KCNH5: variants seen among roughly 807,000 people sequenced by gnomAD.
The protein encoded by KCNH5 is potassium voltage-gated channel subfamily H member 5.
In KCNH5, 46 loss-of-function variants were observed where a neutral mutation model predicts 96.1. The ratio of observed to expected loss-of-function variants is 0.48; its 90% CI spans 0.38 to 0.61. The LOEUF (loss-of-function observed/expected upper bound fraction) is 0.61, where lower values mean the gene tolerates loss of function less well. KCNH5 is among the 20% of genes least tolerant of loss of function. The pLI, the probability that KCNH5 is intolerant of heterozygous loss-of-function variation, is 0.00. For synonymous variants in KCNH5, 439 were observed against 449.8 expected, an observed-to-expected ratio of 0.98 and a Z score of 0.30; for missense variants, 907 against 1,225.8, an observed-to-expected ratio of 0.74 and a Z score of 3.88.
intron 7 of KCNH5, among the ~76,000 whole-genome samples, chr14:62,944,564 G>A (rs969880001): frequency 6.6e-6 from 1 of 152,068 alleles, no homozygotes; most frequent in Non-Finnish European, 1.5e-5. Context: ...TAAGAATGCA[G>A]GTGGTTTGTT....
At chr14:62,967,204 T>TA (rs1566725014) in intron 6 of KCNH5, among the ~76,000 whole-genome samples, 1 of 152,148 alleles carries the variant, frequency 6.6e-6, no homozygotes, top group South Asian at 2.1e-4. Flanking sequence ...TATAGTTTAT[T>TA]AAAAGTTCCT....
At chr14:62,844,503 A>G (rs941994093) in intron 8 of KCNH5, among the ~76,000 whole-genome samples, 56 of 152,138 alleles carry the variant, frequency 3.7e-4, no homozygotes, top group African/African-American at 1.3e-3. Flanking sequence ...TTTTCCCATA[A>G]TCTCCTCTTC....
intron 10 of KCNH5, among the ~76,000 whole-genome samples, chr14:62,775,271 T>A (rs1886071957): frequency 6.6e-6 from 1 of 152,188 alleles, no homozygotes; most frequent in African/African-American, 2.4e-5. Flanking sequence ...CAGGTAAAAA[T>A]CTCAGGTTTC....
chr14:62,909,928 T>C (rs1211296506), intron 7 of KCNH5, among the ~76,000 whole-genome samples: 2 of 152,144 alleles, frequency 1.3e-5, no homozygotes, highest in Non-Finnish European at 2.9e-5. Flanking sequence ...ATTTATTATA[T>C]GTATTGGTTT....
At chr14:62,893,875 C>A (rs900007375) in intron 7 of KCNH5, among the ~76,000 whole-genome samples, 1 of 152,184 alleles carries the variant, frequency 6.6e-6, no homozygotes, top group Non-Finnish European at 1.5e-5. Flanking sequence ...ATAGAGAAAT[C>A]TTTTGTGAAG....
intron 8 of KCNH5, among the ~76,000 whole-genome samples, chr14:62,827,801 T>A (rs533886411): frequency 4.6e-5 from 7 of 152,318 alleles, no homozygotes; most frequent in African/African-American, 1.7e-4. Flanking sequence ...GGGTTTTTGT[T>A]TGTTTGTTTC....
intron 9 of KCNH5, among the ~76,000 whole-genome samples, chr14:62,799,722 T>TACACACAC (rs1377411964): frequency 9.1e-6 from 1 of 109,794 alleles, no homozygotes; most frequent in African/African-American, 3.5e-5. Flanking sequence ...TATATATATA[T>TACACACAC]ATATACACAC....
chr14:62,899,606 C>A (rs1032050583), intron 7 of KCNH5, among the ~76,000 whole-genome samples: 19 of 151,788 alleles, frequency 1.3e-4, no homozygotes, highest in African/African-American at 4.6e-4. Flanking sequence ...CCGAGGCGGG[C>A]GGATCACGAG....
intron 1 of KCNH5, among the ~76,000 whole-genome samples, chr14:63,035,438 T>C (rs1891704931): frequency 1.3e-5 from 2 of 152,234 alleles, no homozygotes; most frequent in Admixed American, 1.3e-4. Context: ...TTCTACACTC[T>C]ATGTAACAGG....
At chr14:62,921,317 G>A (rs1241205501) in intron 7 of KCNH5, among the ~76,000 whole-genome samples, 1 of 152,090 alleles carries the variant, frequency 6.6e-6, no homozygotes, top group Non-Finnish European at 1.5e-5. Flanking sequence ...TAAATAGAAA[G>A]AAGATAAATT....
rs1340538418 is a variant in KCNH5, at chr14:62,702,314, A to C, written c.*5194T>G. On this transcript the variant is annotated 3_prime_UTR_variant, in exon 11 of 11. Coordinates refer to ENST00000322893, the MANE Select transcript of KCNH5 (RefSeq NM_139318.5). ...GACTCTGACCTATCAAGAAAAACCA[A>C]ACATTTACATTCACATTATCGAGTG... is the stretch of plus-strand genomic sequence containing the variant. 6.6e-6 allele frequency: 1 copy of C among 152,070 alleles called. No homozygotes were observed. The highest frequency in any genetic ancestry group is 1.5e-5 in the Non-Finnish European group (1 of 67,912). 9.4% of individuals were successfully genotyped at this position (152,070 alleles called of 1,614,324 possible).
intron 10 of KCNH5, chr14:62,712,713 A>G (rs367765094): frequency 1.2e-5 from 9 of 778,902 alleles, no homozygotes; most frequent in Middle Eastern, 2.2e-4. Flanking sequence ...ATGGAGAACC[A>G]TCCCTGAAAG....
chr14:62,940,987 G>C (rs541155902), intron 7 of KCNH5, among the ~76,000 whole-genome samples: 89 of 152,274 alleles, frequency 5.8e-4, no homozygotes, highest in African/African-American at 2.0e-3. Context: ...GAAGGCAGAG[G>C]TGGACATTGA....
chr14:62,860,474 T>G (rs757047524), intron 7 of KCNH5, among the ~76,000 whole-genome samples: 1 of 152,206 alleles, frequency 6.6e-6, no homozygotes, highest in African/African-American at 2.4e-5. Context: ...CTGGGCAATA[T>G]AGAAAAATCC....
chr14:62,965,822 C>T (rs1293843781), intron 6 of KCNH5, among the ~76,000 whole-genome samples: 1 of 151,974 alleles, frequency 6.6e-6, no homozygotes, highest in Non-Finnish European at 1.5e-5. Context: ...ACTTTCTTTG[C>T]CATCATAGGT....
intron 7 of KCNH5, among the ~76,000 whole-genome samples, chr14:62,884,600 T>C (rs1230919358): frequency 2.6e-5 from 4 of 152,104 alleles, no homozygotes; most frequent in Non-Finnish European, 5.9e-5. Context: ...CACTCCAGCC[T>C]GGGCGAGAGA....
chr14:62,752,861 G>A (rs1240995431), intron 10 of KCNH5, among the ~76,000 whole-genome samples: 2 of 152,116 alleles, frequency 1.3e-5, no homozygotes, highest in Non-Finnish European at 2.9e-5. Context: ...CACCATGATT[G>A]TAAGTTTCCT....
chr14:62,976,048 T>A (rs1890492361), intron 6 of KCNH5, among the ~76,000 whole-genome samples: 2 of 141,614 alleles, frequency 1.4e-5, no homozygotes, highest in Admixed American at 7.1e-5. Flanking sequence ...GTGGAAGAAA[T>A]CTCCCAGAAA....
rs370498303 is a variant in KCNH5, at chr14:62,867,438, T to C, written c.1370-17586A>G. ...TCAACCACTGGCTTCTTATACACTA[T>C]GCAGTTTTTAACATTTGCTAATGTT... On this transcript the variant is annotated intron_variant, in intron 7 of 10. Transcript: ENST00000322893. Among the ~76,000 whole-genome samples the C allele has an allele frequency of 5.1e-4, 77 of 152,256 alleles. 3 individuals carry two copies. In the South Asian group the frequency reaches 8.5e-3, roughly 17 times the overall value.
Sources: gnomAD v4.1 joint callset for allele counts (sites outside exome capture counted in the v4.1 genomes callset) on GRCh38, gnomAD v4.1.1 for gene constraint, MANE v1.5 for transcripts, NCBI Gene and HGNC (gene_info 2026-07-23, HGNC 2026-07-21) for gene names.